Variants in RSPO2 observed in about 807,000 individuals in gnomAD.
RSPO2 encodes R-spondin 2.
Under a neutral mutation model 30.9 loss-of-function variants are expected in RSPO2, and 14 were observed. The ratio of observed to expected loss-of-function variants is 0.45; its 90% CI spans 0.30 to 0.71. The LOEUF is 0.71. RSPO2 is among the 30% of genes least tolerant of loss of function. The probability of loss-of-function intolerance (pLI) is 0.08; values close to 1 mark genes in which losing one functional copy is unlikely to be tolerated. For missense variants in RSPO2, 264 were observed against 301.9 expected (o/e 0.87, Z 0.93); for synonymous variants, 107 against 96.4 (o/e 1.11, Z -0.64).
At chr8:107,913,587 G>T (rs1238364079) in intron 5 of RSPO2, among the ~76,000 whole-genome samples, 1 of 152,132 alleles carries the variant, frequency 6.6e-6, no homozygotes, top group Non-Finnish European at 1.5e-5. Context: ...TAACATGTTT[G>T]GCATACCTCA....
chr8:108,076,980 T>C (rs1260623842), intron 2 of RSPO2, among the ~76,000 whole-genome samples: 1 of 151,928 alleles, frequency 6.6e-6, no homozygotes. Flanking sequence ...GGTGATAAGA[T>C]ATCACCATAG....
intron 5 of RSPO2, among the ~76,000 whole-genome samples, chr8:107,906,780 T>C (rs1225206617): frequency 6.6e-6 from 1 of 151,988 alleles, no homozygotes; most frequent in Non-Finnish European, 1.5e-5. Context: ...AATAACACAT[T>C]TATTTTAGTT....
In RSPO2 at chr8:107,900,027, G is replaced by GC. The variant is rs1554625050; in HGVS notation, c.*1047_*1048insG. The GC allele has an allele frequency of 1.3e-5, 2 of 152,026 alleles. No individual in the cohort carries two copies. The highest frequency in any genetic ancestry group is 6.6e-5 in the Admixed American group (1 of 15,256). The allele number at this position is 152,026 out of a possible 1,614,324, so 9.4% of individuals were successfully genotyped here. ...GCCAGGGATTGCTTTAAATTTGGGG[G>GC]AAAAAAATTGCAGTCAGAAATAATG... is the stretch of plus-strand genomic sequence containing the variant. On this transcript the variant is annotated 3_prime_UTR_variant, in exon 6 of 6. Coordinates refer to ENST00000276659, the MANE Select transcript of RSPO2 (RefSeq NM_178565.5).
intron 3 of RSPO2, among the ~76,000 whole-genome samples, chr8:107,971,120 A>C (rs1813985158): frequency 6.6e-6 from 1 of 152,240 alleles, no homozygotes; most frequent in East Asian, 1.9e-4. Flanking sequence ...TTTACATAAA[A>C]ACAGCACAAG....
At chr8:107,960,880 A>G in intron 3 of RSPO2, 63 bp from the exon 4 acceptor site, 2 of 1,334,148 alleles carry the variant, frequency 1.5e-6, no homozygotes, top group East Asian at 5.0e-5. Flanking sequence ...TGTTTTACAA[A>G]TAAAATTTTT....
At chr8:108,073,478 A>C (rs1383335117) in intron 2 of RSPO2, among the ~76,000 whole-genome samples, 1 of 152,218 alleles carries the variant, frequency 6.6e-6, no homozygotes, top group Non-Finnish European at 1.5e-5. Context: ...GCAGGAGCCC[A>C]CTTGGCCAGA....
chr8:108,000,806 C>T (rs965220415), intron 2 of RSPO2, among the ~76,000 whole-genome samples: 2 of 151,928 alleles, frequency 1.3e-5, no homozygotes, highest in African/African-American at 2.4e-5. Context: ...TTGAGATGAT[C>T]CTGGCTAACA....
intron 2 of RSPO2, among the ~76,000 whole-genome samples, chr8:108,017,705 T>C (rs1810937996): frequency 6.6e-6 from 1 of 152,214 alleles, no homozygotes; most frequent in Non-Finnish European, 1.5e-5. Context: ...TGTGTACAAC[T>C]TTGATAAAAA....
At chr8:108,058,743 G>A (rs972009442) in intron 2 of RSPO2, among the ~76,000 whole-genome samples, 17 of 151,768 alleles carry the variant, frequency 1.1e-4, no homozygotes, top group African/African-American at 4.1e-4. Context: ...AACAAGCAAT[G>A]GGGAAAGGAT....
At chr8:108,029,052 GTCTTTTTTTTTTTTT>G (rs1811323146) in intron 2 of RSPO2, among the ~76,000 whole-genome samples, 1 of 48,852 alleles carries the variant, frequency 2.0e-5, no homozygotes. Flanking sequence ...GTTAACATGA[GTCTTTTTTTTTTTTT>G]TTTTTTTTTT....
intron 2 of RSPO2, among the ~76,000 whole-genome samples, chr8:108,041,467 C>G (rs1181158108): frequency 6.6e-6 from 1 of 151,940 alleles, no homozygotes; most frequent in African/African-American, 2.4e-5. Flanking sequence ...TTGAGACCAA[C>G]AGCAAAAGCA....
intron 5 of RSPO2, among the ~76,000 whole-genome samples, chr8:107,913,296 C>T (rs905238390): frequency 6.6e-6 from 1 of 152,104 alleles, no homozygotes; most frequent in Non-Finnish European, 1.5e-5. Context: ...TCCCTTCTGT[C>T]ATAAATTCCT....
chr8:107,997,161 GT>G (rs1315382299), intron 2 of RSPO2: 2 of 199,682 alleles, frequency 1.0e-5, no homozygotes, highest in Admixed American at 1.2e-4. Context: ...CATTCTCCCT[GT>G]TGTAAATCAA....
chr8:107,968,816 G>GA (rs956532075), intron 3 of RSPO2, among the ~76,000 whole-genome samples: 1 of 151,802 alleles, frequency 6.6e-6, no homozygotes, highest in African/African-American at 2.4e-5. Context: ...ACTCCACATG[G>GA]AAAAAATAGA....
chr8:107,915,520 A>G (rs1811951244), intron 5 of RSPO2, among the ~76,000 whole-genome samples: 1 of 152,118 alleles, frequency 6.6e-6, no homozygotes, highest in African/African-American at 2.4e-5. Context: ...GGAGAATAGA[A>G]GGATAGTTTG....
At chr8:107,926,875 G>A (rs1812393988) in intron 5 of RSPO2, among the ~76,000 whole-genome samples, 2 of 152,134 alleles carry the variant, frequency 1.3e-5, no homozygotes, top group African/African-American at 2.4e-5. Flanking sequence ...ACTTAGCAAT[G>A]CGAGCTCTTT....
At chr8:107,998,228 T>A in intron 2 of RSPO2, among the ~76,000 whole-genome samples, 1 of 151,650 alleles carries the variant, frequency 6.6e-6, no homozygotes. Flanking sequence ...GGAGCAGGAT[T>A]GAGAGAGGTA....
chr8:107,909,265 T>G (rs932989941), intron 5 of RSPO2, among the ~76,000 whole-genome samples: 26 of 149,132 alleles, frequency 1.7e-4, no homozygotes, highest in South Asian at 4.4e-4. Flanking sequence ...AGTTGTTTTT[T>G]TTTTTTTTTT....
At chr8:108,082,043 TG>T in intron 2 of RSPO2, 3 of 351,120 alleles carry the variant, frequency 8.5e-6, no homozygotes, top group Non-Finnish European at 1.2e-5. Flanking sequence ...GACACACGCT[TG>T]GGTACACCCA....
Sources: allele counts gnomAD v4.1 joint callset (sites outside exome capture counted in the v4.1 genomes callset), GRCh38; gene constraint gnomAD v4.1.1; transcripts MANE v1.5; gene names NCBI Gene and HGNC (gene_info 2026-07-23, HGNC 2026-07-21).